The following GRID2 variants were observed in gnomAD, a reference collection of about 807,000 sequenced individuals.
GRID2 encodes glutamate ionotropic receptor delta type subunit 2.
In GRID2, 33 loss-of-function variants were observed where a neutral mutation model predicts 114.8. The observed-to-expected ratio is 0.29, with a 90% CI of 0.22 to 0.38. GRID2 has a LOEUF of 0.38. Among genes scored for constraint, GRID2 ranks in the 10% least tolerant of loss-of-function variants. The pLI, the probability that GRID2 is intolerant of heterozygous loss-of-function variation, is 1.00. For missense variants in GRID2, 1,184 were observed against 1,257.7 expected (o/e 0.94, Z 0.89); for synonymous variants, 505 against 449.9 (o/e 1.12, Z -1.55).
chr4:92,999,751 C>T (rs901227892), intron 2 of GRID2, among the ~76,000 whole-genome samples: 1 of 151,094 alleles, frequency 6.6e-6, no homozygotes. Flanking sequence ...TCAAGACAGC[C>T]ATAAGATATA....
In GRID2 at chr4:92,719,448, T is replaced by C. The variant is rs541602193; in HGVS notation, c.244+129162T>C. Among the ~76,000 whole-genome samples the C allele has an allele frequency of 1.1e-3, 171 of 152,344 alleles. 1 individual carries two copies. The highest frequency in any genetic ancestry group is 3.9e-3 in the African/African-American group (164 of 41,580). ...TTAAATGCTACAATGGTTTAATTAATGATCGTTACTCTTTCATCCTCATCT... is the reference window on the plus strand; with the variant it reads ...TTAAATGCTACAATGGTTTAATTAACGATCGTTACTCTTTCATCCTCATCT... On this transcript the variant is annotated intron_variant, in intron 2 of 15. Coordinates refer to ENST00000282020, the MANE Select transcript of GRID2 (RefSeq NM_001510.4).
intron 8 of GRID2, 28 bp downstream of exon 8, chr4:93,238,518 C>T (rs187471174): frequency 1.3e-6 from 2 of 1,589,486 alleles, no homozygotes; most frequent in East Asian, 2.3e-5. Context: ...GATTAATACG[C>T]TTTTTCCTAT....
intron 2 of GRID2, among the ~76,000 whole-genome samples, chr4:92,827,088 A>G (rs1373431314): frequency 6.6e-6 from 1 of 152,032 alleles, no homozygotes; most frequent in Non-Finnish European, 1.5e-5. Flanking sequence ...GGCCTTCCTC[A>G]TATTTCAATT....
chr4:92,954,187 C>T lies in GRID2; in HGVS notation c.245-130808C>T, dbSNP rs183858975. On this transcript the variant is annotated intron_variant, in intron 2 of 15. Coordinates refer to ENST00000282020, the MANE Select transcript of GRID2 (RefSeq NM_001510.4). ...AATATATAAATATGAAAAAAGCATA[C>T]TATGTGTGTGTGTGTATATATGTAT... Among the ~76,000 whole-genome samples, 79 of 151,566 alleles carry T rather than the reference C, an allele frequency of 5.2e-4. 1 individual carries two copies. In the East Asian group the frequency reaches 0.014, roughly 26 times the overall value.
chr4:92,747,307 G>A (rs1056592780), intron 2 of GRID2, among the ~76,000 whole-genome samples: 6 of 151,894 alleles, frequency 4.0e-5, no homozygotes, highest in Non-Finnish European at 7.4e-5. Flanking sequence ...TGAATGCTTT[G>A]TAAGAATGAA....
chr4:93,324,110 A>G (rs2149214906), intron 8 of GRID2, among the ~76,000 whole-genome samples: 1 of 152,292 alleles, frequency 6.6e-6, no homozygotes, highest in South Asian at 2.1e-4. Context: ...GAGAGAGGGC[A>G]TCCCTGTCTT....
At chr4:93,647,034 C>A (rs536933074) in intron 14 of GRID2, among the ~76,000 whole-genome samples, 14 of 151,910 alleles carry the variant, frequency 9.2e-5, no homozygotes, top group African/African-American at 2.9e-4. Context: ...CAGGAGAAAA[C>A]AAAATAAATA....
intron 4 of GRID2, among the ~76,000 whole-genome samples, chr4:93,169,744 T>G (rs1738613925): frequency 6.6e-6 from 1 of 152,210 alleles, no homozygotes; most frequent in African/African-American, 2.4e-5. Context: ...TGGCTTGAGC[T>G]TCTCATACAT....
intron 1 of GRID2, among the ~76,000 whole-genome samples, chr4:92,337,164 C>CT (rs1727229063): frequency 6.6e-6 from 1 of 151,908 alleles, no homozygotes; most frequent in Non-Finnish European, 1.5e-5. Context: ...TGCACATAAT[C>CT]TTTTGTCCTT....
chr4:92,577,226 G>GA (rs941470933), intron 1 of GRID2, among the ~76,000 whole-genome samples: 18 of 152,004 alleles, frequency 1.2e-4, no homozygotes, highest in Admixed American at 5.2e-4. Context: ...AATGAGTCTT[G>GA]AAAAAAAGAC....
intron 8 of GRID2, among the ~76,000 whole-genome samples, chr4:93,374,347 G>C (rs1168743565): frequency 6.6e-6 from 1 of 152,160 alleles, no homozygotes; most frequent in Non-Finnish European, 1.5e-5. Context: ...GGTGTTTACA[G>C]TATCCCAGTT....
At chr4:93,563,935 T>TTATTTAA (rs1292290144) in intron 13 of GRID2, among the ~76,000 whole-genome samples, 1 of 151,930 alleles carries the variant, frequency 6.6e-6, no homozygotes, top group Non-Finnish European at 1.5e-5. Context: ...TGATTTCAAA[T>TTATTTAA]CTGTAAATTA....
At chr4:92,932,690 C>T (rs1178995766) in intron 2 of GRID2, among the ~76,000 whole-genome samples, 1 of 151,318 alleles carries the variant, frequency 6.6e-6, no homozygotes, top group African/African-American at 2.4e-5. Flanking sequence ...TGGATAAATA[C>T]ATTATCTTAT....
At chr4:92,409,136 T>C (rs1291507478) in intron 1 of GRID2, among the ~76,000 whole-genome samples, 1 of 152,126 alleles carries the variant, frequency 6.6e-6, no homozygotes, top group Non-Finnish European at 1.5e-5. Context: ...TTTTGAATTA[T>C]GTTCCTTCGA....
chr4:92,943,397 A>G (rs557804624), intron 2 of GRID2, among the ~76,000 whole-genome samples: 1 of 152,026 alleles, frequency 6.6e-6, no homozygotes, highest in Non-Finnish European at 1.5e-5. Flanking sequence ...TGCATTCATC[A>G]CATAGTTCTC....
At chr4:93,690,566 C>G in intron 14 of GRID2, among the ~76,000 whole-genome samples, 1 of 151,834 alleles carries the variant, frequency 6.6e-6, no homozygotes, top group East Asian at 1.9e-4. Context: ...AATGAGTTGT[C>G]ATGAGTATAT....
chr4:93,561,451 C>T (rs945535678), intron 13 of GRID2, among the ~76,000 whole-genome samples: 1 of 151,936 alleles, frequency 6.6e-6, no homozygotes, highest in East Asian at 1.9e-4. Context: ...TACCATTTGC[C>T]CCTAAACATG....
At chr4:92,900,901 C>T (rs1465034578) in intron 2 of GRID2, among the ~76,000 whole-genome samples, 1 of 144,810 alleles carries the variant, frequency 6.9e-6, no homozygotes, top group African/African-American at 2.6e-5. Context: ...CTGCAAAAGA[C>T]ATGATTTCAT....
At chr4:92,958,985 T>C (rs1463474076) in intron 2 of GRID2, among the ~76,000 whole-genome samples, 1 of 151,854 alleles carries the variant, frequency 6.6e-6, no homozygotes, top group East Asian at 1.9e-4. Context: ...TTTATTATCA[T>C]TTGCATGTCC....
Sources: gnomAD v4.1 joint callset for allele counts (sites outside exome capture counted in the v4.1 genomes callset) on GRCh38, gnomAD v4.1.1 for gene constraint, MANE v1.5 for transcripts, NCBI Gene and HGNC (gene_info 2026-07-23, HGNC 2026-07-21) for gene names.